Variants in RASEF observed in about 807,000 individuals in gnomAD.
RASEF encodes ras and EF-hand domain-containing protein.
Under a neutral mutation model 90.1 loss-of-function variants are expected in RASEF, and 68 were observed. That is an observed-to-expected ratio of 0.75 (90% confidence interval 0.62 to 0.92). The LOEUF is 0.92. Ranked by LOEUF, RASEF falls within the 40% of genes least tolerant of loss-of-function variation. The probability of loss-of-function intolerance (pLI) is 0.00; values close to 1 mark genes in which losing one functional copy is unlikely to be tolerated. For missense variants in RASEF, 949 were observed against 937.2 expected (o/e 1.01, Z -0.16); for synonymous variants, 331 against 345.2 (o/e 0.96, Z 0.46).
At chr9:83,058,995 T>C (rs1830152801) in intron 1 of RASEF, among the ~76,000 whole-genome samples, 1 of 152,058 alleles carries the variant, frequency 6.6e-6, no homozygotes, top group Non-Finnish European at 1.5e-5. Flanking sequence ...CACCCTCAGG[T>C]ACCTGACCTG....
intron 1 of RASEF, among the ~76,000 whole-genome samples, chr9:83,034,904 G>A (rs182861157): frequency 6.6e-6 from 1 of 152,304 alleles, no homozygotes; most frequent in African/African-American, 2.4e-5. Flanking sequence ...ATGGTACAAT[G>A]TTGGTAATCA....
the RASEF span, among the ~76,000 whole-genome samples, chr9:83,089,321 A>C: frequency 3.9e-5 from 6 of 152,174 alleles, no homozygotes; most frequent in East Asian, 5.8e-4. Flanking sequence ...ATGAGCTATA[A>C]ACAAAAAAAA....
At chr9:83,147,437 G>C in the RASEF span, among the ~76,000 whole-genome samples, 1 of 152,164 alleles carries the variant, frequency 6.6e-6, no homozygotes, top group African/African-American at 2.4e-5. Context: ...TGAAATAGGA[G>C]AGTTCCCTGA....
At chr9:82,992,563 A>G (rs1361965247) in intron 15 of RASEF, among the ~76,000 whole-genome samples, 1 of 152,120 alleles carries the variant, frequency 6.6e-6, no homozygotes, top group Non-Finnish European at 1.5e-5. Context: ...AAAATAGGAC[A>G]CTATTTTCTT....
the RASEF span, among the ~76,000 whole-genome samples, chr9:83,160,039 G>A: frequency 6.6e-6 from 1 of 152,206 alleles, no homozygotes. Flanking sequence ...GGAACTGTAA[G>A]TCCAATAAAC....
At chr9:83,081,204 C>T in the RASEF span, among the ~76,000 whole-genome samples, 1 of 152,190 alleles carries the variant, frequency 6.6e-6, no homozygotes, top group Non-Finnish European at 1.5e-5. Context: ...GGACCAGGGA[C>T]TCTGCCTCCA....
At chr9:83,120,353 C>A in the RASEF span, among the ~76,000 whole-genome samples, 2 of 152,062 alleles carry the variant, frequency 1.3e-5, no homozygotes, top group Non-Finnish European at 2.9e-5. Context: ...ATTGCTTTGG[C>A]CAAGAAATAT....
chr9:83,094,029 A>T, the RASEF span, among the ~76,000 whole-genome samples: 1 of 152,236 alleles, frequency 6.6e-6, no homozygotes, highest in East Asian at 1.9e-4. Flanking sequence ...TATATGGGTC[A>T]TCTATTATAA....
the RASEF span, among the ~76,000 whole-genome samples, chr9:83,115,372 A>G: frequency 6.6e-6 from 1 of 152,342 alleles, no homozygotes; most frequent in Non-Finnish European, 1.5e-5. Flanking sequence ...AAGCTAACAT[A>G]TGGATAAATA....
the RASEF span, among the ~76,000 whole-genome samples, chr9:83,073,415 T>C: frequency 8.8e-3 from 1,337 of 152,210 alleles, 21 homozygotes; most frequent in African/African-American, 0.03. Flanking sequence ...TGCTTATTGT[T>C]AATGTTGCAC....
At chr9:83,176,890 C>G in the RASEF span, among the ~76,000 whole-genome samples, 1 of 151,900 alleles carries the variant, frequency 6.6e-6, no homozygotes, top group Non-Finnish European at 1.5e-5. Context: ...TGTAAAGAAG[C>G]CAAGAGAAGA....
intron 1 of RASEF, among the ~76,000 whole-genome samples, chr9:83,043,793 C>T (rs545501311): frequency 2.4e-4 from 37 of 152,244 alleles, no homozygotes; most frequent in African/African-American, 8.9e-4. Flanking sequence ...TCTCGCTTCT[C>T]ATTTTCTCAG....
At chr9:83,066,003 C>G (rs1240754882), upstream of RASEF, among the ~76,000 whole-genome samples, 1 of 152,154 alleles carries the variant, frequency 6.6e-6, no homozygotes, top group Non-Finnish European at 1.5e-5. Context: ...TTGAGGAAGC[C>G]TGTACCCTAA....
At chr9:83,138,023 C>A in the RASEF span, among the ~76,000 whole-genome samples, 1 of 151,554 alleles carries the variant, frequency 6.6e-6, no homozygotes, top group African/African-American at 2.4e-5. Context: ...TTTTTAGATC[C>A]TTTACAAATA....
chr9:83,142,748 A>G, the RASEF span, among the ~76,000 whole-genome samples: 1 of 152,120 alleles, frequency 6.6e-6, no homozygotes, highest in East Asian at 1.9e-4. Context: ...TTTTTAAGAG[A>G]AATCAGGTAT....
At chr9:83,024,064 C>A (rs73469410) in intron 2 of RASEF, among the ~76,000 whole-genome samples, 4,503 of 152,240 alleles carry the variant, frequency 0.03, 203 homozygotes, top group African/African-American at 0.1. Flanking sequence ...AAAACCCTCC[C>A]CCAATTAAAA....
At chr9:82,996,941 G>A (rs1432757609) in intron 14 of RASEF, 71 bp downstream of exon 14, 4 of 861,040 alleles carry the variant, frequency 4.6e-6, no homozygotes, top group Non-Finnish European at 7.9e-6. Context: ...ACAAAGAAGA[G>A]AGACAGCATT....
the RASEF span, among the ~76,000 whole-genome samples, chr9:83,070,213 A>G: frequency 2.0e-5 from 3 of 152,172 alleles, no homozygotes; most frequent in African/African-American, 4.8e-5. Flanking sequence ...CTGTCTACCC[A>G]GAGTTGCAAA....
chr9:83,154,720 C>T, the RASEF span, among the ~76,000 whole-genome samples: 8 of 152,170 alleles, frequency 5.3e-5, no homozygotes, highest in African/African-American at 1.9e-4. Flanking sequence ...TTTTCTAAAG[C>T]CTGCCTTTTT....
Sources: allele counts gnomAD v4.1 joint callset (sites outside exome capture counted in the v4.1 genomes callset), GRCh38; gene constraint gnomAD v4.1.1; transcripts MANE v1.5; gene names NCBI Gene and HGNC (gene_info 2026-07-23, HGNC 2026-07-21).